The following TRDN variants were observed in gnomAD, a reference collection of about 807,000 sequenced individuals.
TRDN encodes the protein triadin in skeletal muscle.
TRDN carries 161 observed loss-of-function variants against 149.7 expected under a neutral mutation model. The ratio of observed to expected loss-of-function variants is 1.08; its 90% CI spans 0.95 to 1.23. TRDN has a LOEUF of 1.23. TRDN is among the 50% of genes most tolerant of loss of function. The probability of loss-of-function intolerance (pLI) is 0.00; values close to 1 mark genes in which losing one functional copy is unlikely to be tolerated. For synonymous variants in TRDN, 294 were observed against 250.5 expected (o/e 1.17, Z -1.64); for missense variants, 896 against 823.5 (o/e 1.09, Z -1.08).
At chr6:123,564,399 C>T (rs4895848) in intron 2 of TRDN, among the ~76,000 whole-genome samples, 59,210 of 151,730 alleles carry the variant, frequency 0.39, 13,544 homozygotes, top group East Asian at 0.85. Context: ...ATAACATATT[C>T]GTGTGTGTGT....
At chr6:123,277,298 A>G (rs1307726555) in intron 26 of TRDN, among the ~76,000 whole-genome samples, 7 of 152,140 alleles carry the variant, frequency 4.6e-5, no homozygotes, top group Non-Finnish European at 1.0e-4. Context: ...TAGAATGGTT[A>G]GGACTTTTAG....
At chr6:123,278,017 TG>T (rs1777437409) in intron 26 of TRDN, among the ~76,000 whole-genome samples, 1 of 152,202 alleles carries the variant, frequency 6.6e-6, no homozygotes, top group Admixed American at 6.5e-5. Context: ...GATGTTTTGC[TG>T]ATTGAATGTC....
chr6:123,444,169 A>G (rs1775133690), intron 10 of TRDN, among the ~76,000 whole-genome samples: 1 of 143,288 alleles, frequency 7.0e-6, no homozygotes, highest in Non-Finnish European at 1.5e-5. Flanking sequence ...ATGTTCTTCC[A>G]TTTGTTTGTA....
chr6:123,593,567 T>C (rs1414377371), intron 1 of TRDN, among the ~76,000 whole-genome samples: 1 of 152,182 alleles, frequency 6.6e-6, no homozygotes, highest in Non-Finnish European at 1.5e-5. Context: ...GAGGGAAGAA[T>C]CTGTTTAAGC....
At chr6:123,483,072 A>T (rs1429160240) in intron 9 of TRDN, among the ~76,000 whole-genome samples, 3 of 37,022 alleles carry the variant, frequency 8.1e-5, no homozygotes, top group Non-Finnish European at 1.5e-4. Flanking sequence ...CTCATTTATT[A>T]TTATTATTAT....
chr6:123,540,837 T>C (rs1232168433), intron 4 of TRDN, among the ~76,000 whole-genome samples: 1 of 152,202 alleles, frequency 6.6e-6, no homozygotes, highest in Admixed American at 6.5e-5. Context: ...TGGTCTCTCA[T>C]GAGCAAAAGA....
At chr6:123,369,482 C>A (rs1044674071) in intron 19 of TRDN, among the ~76,000 whole-genome samples, 6 of 152,122 alleles carry the variant, frequency 3.9e-5, no homozygotes, top group Non-Finnish European at 8.8e-5. Context: ...AGACCCCCAC[C>A]CTGCAGCAGA....
At chr6:123,237,710 A>C (rs73771547) in intron 38 of TRDN, among the ~76,000 whole-genome samples, 8,046 of 152,216 alleles carry the variant, frequency 0.053, 629 homozygotes, top group African/African-American at 0.18. Flanking sequence ...TAAAGGAGAA[A>C]AAATGGAAAA....
intron 21 of TRDN, among the ~76,000 whole-genome samples, chr6:123,345,752 C>G (rs1299286697): frequency 6.6e-6 from 1 of 152,036 alleles, no homozygotes; most frequent in African/African-American, 2.4e-5. Flanking sequence ...TTCCCTCCAA[C>G]AGGTCTTATA....
chr6:123,257,356 T>G (rs1387099900), intron 35 of TRDN, among the ~76,000 whole-genome samples: 1 of 152,212 alleles, frequency 6.6e-6, no homozygotes, highest in Non-Finnish European at 1.5e-5. Flanking sequence ...TTTCTGCATA[T>G]GGCAAGCCAA....
rs543867054 is a variant in TRDN at position 123,258,150 on chromosome 6, G to C, written c.1870+1474C>G. Among the ~76,000 whole-genome samples, 184 of 152,142 alleles carry C rather than the reference G, an allele frequency of 1.2e-3. 2 individuals are homozygous for C. In the Middle Eastern group the frequency reaches 0.017, roughly 14 times the overall value. On this transcript the variant is annotated intron_variant, in intron 35 of 40. Transcript: ENST00000334268. ...TTTATTTCTCTTGCCTGATTGCTCT[G>C]GCCAGAACTTCCAATACTATGTTGA...
intron 21 of TRDN, among the ~76,000 whole-genome samples, chr6:123,348,803 T>A (rs1317011484): frequency 2.1e-4 from 32 of 152,108 alleles, no homozygotes; most frequent in Admixed American, 2.0e-3. Flanking sequence ...GTGAACATTA[T>A]AATGAACTTC....
chr6:123,266,095 A>G (rs904625022), intron 32 of TRDN, among the ~76,000 whole-genome samples: 1 of 130,640 alleles, frequency 7.7e-6, no homozygotes, highest in African/African-American at 2.9e-5. Flanking sequence ...TATATTATAT[A>G]TATTATATAT....
intron 24 of TRDN, among the ~76,000 whole-genome samples, chr6:123,288,228 A>G (rs1396301374): frequency 6.6e-6 from 1 of 152,080 alleles, no homozygotes; most frequent in Non-Finnish European, 1.5e-5. Context: ...CACAGTGTAT[A>G]CATAAAATCA....
chr6:123,410,479 C>T (rs1164174029), intron 12 of TRDN, among the ~76,000 whole-genome samples: 2 of 152,126 alleles, frequency 1.3e-5, no homozygotes, highest in South Asian at 2.1e-4. Flanking sequence ...TAATGTTAAT[C>T]ATTTCTATAA....
At chr6:123,266,131 TATA>T (rs1295081325) in intron 32 of TRDN, among the ~76,000 whole-genome samples, 3 of 115,656 alleles carry the variant, frequency 2.6e-5, no homozygotes, top group Non-Finnish European at 4.9e-5. Context: ...TTATATATAT[TATA>T]ATATGTATTA....
chr6:123,580,277 A>G (rs998970376), intron 1 of TRDN, among the ~76,000 whole-genome samples: 10 of 152,188 alleles, frequency 6.6e-5, no homozygotes, highest in Admixed American at 3.9e-4. Flanking sequence ...ACAAACAGTA[A>G]ATTGAATTTA....
intron 22 of TRDN, among the ~76,000 whole-genome samples, chr6:123,337,381 T>C (rs1779911196): frequency 1.3e-5 from 2 of 152,166 alleles, no homozygotes; most frequent in South Asian, 4.1e-4. Flanking sequence ...CCTTTTTTCA[T>C]TTTTCTTTCT....
At chr6:123,460,790 A>G (rs1776403848) in intron 10 of TRDN, among the ~76,000 whole-genome samples, 1 of 152,226 alleles carries the variant, frequency 6.6e-6, no homozygotes, top group South Asian at 2.1e-4. Context: ...TTATCCTATA[A>G]TAAATTTTAT....
Sources: gnomAD v4.1 joint callset for allele counts (sites outside exome capture counted in the v4.1 genomes callset) on GRCh38, gnomAD v4.1.1 for gene constraint, MANE v1.5 for transcripts, NCBI Gene and HGNC (gene_info 2026-07-23, HGNC 2026-07-21) for gene names.